The following RTTN variants were observed in gnomAD, a reference collection of about 807,000 sequenced individuals.
RTTN encodes rotatin.
A neutral mutation model predicts 269.2 loss-of-function variants in RTTN; 182 were observed. That is an observed-to-expected ratio of 0.68 (90% CI 0.60 to 0.76). The LOEUF is 0.76. RTTN is among the 30% of genes least tolerant of loss of function. The pLI, the probability that RTTN is intolerant of heterozygous loss-of-function variation, is 0.00. For synonymous variants in RTTN, 1,006 were observed against 963.5 expected, an observed-to-expected ratio of 1.04 and a Z score of -0.82; for missense variants, 2,545 against 2,608.6, an observed-to-expected ratio of 0.98 and a Z score of 0.53.
intron 14 of RTTN, among the ~76,000 whole-genome samples, chr18:70,165,257 T>C (rs2060954178): frequency 6.6e-6 from 1 of 151,718 alleles, no homozygotes; most frequent in Non-Finnish European, 1.5e-5. Flanking sequence ...CTGCTATATA[T>C]ACTAATCATG....
chr18:70,059,291 C>A (rs1016250314), intron 36 of RTTN, among the ~76,000 whole-genome samples: 3 of 152,088 alleles, frequency 2.0e-5, no homozygotes, highest in South Asian at 4.2e-4. Flanking sequence ...TTCTACTATA[C>A]CTTCCTAGAA....
chr18:70,170,598 G>A (rs972793768), intron 11 of RTTN, among the ~76,000 whole-genome samples: 1 of 152,212 alleles, frequency 6.6e-6, no homozygotes, highest in Non-Finnish European at 1.5e-5. Context: ...AAAGCCAGTG[G>A]AGCTGGTTCT....
At chr18:70,111,336 C>T (rs2059460212) in intron 27 of RTTN, among the ~76,000 whole-genome samples, 1 of 152,170 alleles carries the variant, frequency 6.6e-6, no homozygotes, top group Admixed American at 6.5e-5. Context: ...GCAGGTGCCC[C>T]TCTGGAACGA....
intron 40 of RTTN, among the ~76,000 whole-genome samples, chr18:70,039,531 A>G (rs894704426): frequency 6.6e-6 from 1 of 152,186 alleles, no homozygotes; most frequent in African/African-American, 2.4e-5. Flanking sequence ...TTTCAACAAC[A>G]CTAGACCTGT....
chr18:70,179,975 C>T (rs1187782726), intron 10 of RTTN, among the ~76,000 whole-genome samples: 1 of 152,148 alleles, frequency 6.6e-6, no homozygotes, highest in Non-Finnish European at 1.5e-5. Flanking sequence ...ATTTATCCCA[C>T]CAGTCTCTCT....
At position 70,205,390 on chromosome 18, in the gene RTTN, G is replaced by A. The variant is rs193124045; in HGVS notation, c.32-75C>T. ...TACGTTATTTATGCTGTGGGCAGGA[G>A]CGGCGTGAAGACGGAATAAACCAGT... On this transcript the variant is annotated intron_variant, in intron 1 of 48. Transcript: ENST00000640769. 5.6e-4 allele frequency: 873 copies of A among 1,568,458 alleles called. 12 individuals are homozygous for A. In the East Asian group the frequency reaches 0.019, roughly 34 times the overall value.
rs372512204 is a variant in RTTN at position 70,163,788 on chromosome 18, C to T, written c.1929+2274G>A. The stretch of plus-strand genomic sequence containing the variant: ...CGTGCATTTCCTTTAAGTGTCATTT[C>T]GGCACTCGAAAAGTGTCAGATTGTG... On this transcript the variant is annotated intron_variant, in intron 14 of 48. Coordinates refer to ENST00000640769, the MANE Select transcript of RTTN (RefSeq NM_173630.4). 6.6e-5 allele frequency among the ~76,000 whole-genome samples: 10 copies of T among 152,220 alleles called. No homozygotes were observed. In the East Asian group the frequency reaches 1.2e-3, roughly 18 times the overall value.
intron 5 of RTTN, among the ~76,000 whole-genome samples, 169 bp from the exon 6 acceptor site, chr18:70,197,907 G>A (rs907726783): frequency 2.0e-5 from 3 of 152,010 alleles, no homozygotes; most frequent in Non-Finnish European, 4.4e-5. Context: ...CAACTCTAGG[G>A]CAGTGCTCCT....
chr18:70,003,144 T>G lies in RTTN; in HGVS notation c.*1007A>C, dbSNP rs2056088703. On this transcript the variant is annotated 3_prime_UTR_variant, in exon 49 of 49. Transcript: ENST00000640769. ...CTCCCTGCCTCCCAGGTTGAAGAGA[T>G]TCTCGTGCCTCAGCCACTGGAGTAG... 1 of 148,798 alleles carries G rather than the reference T, an allele frequency of 6.7e-6. No individual in the cohort carries two copies. Among genetic ancestry groups the G allele is most frequent in the African/African-American group, 2.5e-5 (1 of 40,632 alleles). The allele number at this position is 148,798 out of a possible 1,614,324, so 9.2% of individuals were successfully genotyped here. A position where few individuals can be genotyped will look rare whatever the true frequency, so the allele number is the denominator to read the frequency against.
At chr18:70,014,570 C>T (rs561815523) in intron 46 of RTTN, among the ~76,000 whole-genome samples, 1 of 152,274 alleles carries the variant, frequency 6.6e-6, no homozygotes, top group African/African-American at 2.4e-5. Context: ...TGCTAAGTAC[C>T]CACAGGCACC....
At chr18:70,196,909 A>G (rs560476667) in intron 6 of RTTN, among the ~76,000 whole-genome samples, 3 of 152,362 alleles carry the variant, frequency 2.0e-5, no homozygotes, top group Admixed American at 2.0e-4. Context: ...TTGAGTAACC[A>G]TTCTGAGAGA....
chr18:70,122,347 T>C (rs1267960986), intron 25 of RTTN, among the ~76,000 whole-genome samples: 2 of 152,164 alleles, frequency 1.3e-5, no homozygotes, highest in Non-Finnish European at 2.9e-5. Context: ...AATCGTTTTT[T>C]TTAAAAAGCA....
intron 14 of RTTN, among the ~76,000 whole-genome samples, chr18:70,152,833 C>A (rs932147626): frequency 3.3e-5 from 5 of 152,192 alleles, no homozygotes; most frequent in Non-Finnish European, 5.9e-5. Context: ...TGACCCCCTA[C>A]AATCCATTCC....
chr18:70,180,554 C>G (rs2061400365), intron 10 of RTTN, among the ~76,000 whole-genome samples: 1 of 149,662 alleles, frequency 6.7e-6, no homozygotes, highest in Non-Finnish European at 1.5e-5. Flanking sequence ...TGCCCTCCAG[C>G]CTGGACAACA....
chr18:70,069,199 T>C (rs1388785148), intron 34 of RTTN, among the ~76,000 whole-genome samples: 5 of 152,104 alleles, frequency 3.3e-5, no homozygotes, highest in African/African-American at 1.2e-4. Context: ...TTCTTAAGTG[T>C]TCTCACCACA....
intron 10 of RTTN, among the ~76,000 whole-genome samples, chr18:70,182,270 T>TTTTTTTATAATA (rs1350066146): frequency 6.6e-6 from 1 of 152,214 alleles, no homozygotes; most frequent in Non-Finnish European, 1.5e-5. Flanking sequence ...GTTTCTTTCT[T>TTTTTTTATAATA]ACATGGGTAT....
chr18:70,146,979 T>C (rs1490906852), intron 17 of RTTN, among the ~76,000 whole-genome samples: 1 of 152,198 alleles, frequency 6.6e-6, no homozygotes, highest in Non-Finnish European at 1.5e-5. Flanking sequence ...CTTTGTTCCT[T>C]ACATTCTAAG....
Position 70,127,564 on chromosome 18 carries a change from C to T in RTTN, c.3321G>A (p.Lys1107=), listed in dbSNP as rs147728279. The T allele has an allele frequency of 1.4e-4, 226 of 1,613,486 alleles. 1 individual carries two copies. In the African/African-American group the frequency reaches 2.8e-3, roughly 20 times the overall value. The part of the protein sequence containing the change: ...FYLLNDRLSL[K]GCPGPCGVTL... ...TAACCCCACATGGACCAGGGCAACCCTTTAAAGACAATCTGTCATTCAGAA... is the reference window on the plus strand; with the variant it reads ...TAACCCCACATGGACCAGGGCAACCTTTTAAAGACAATCTGTCATTCAGAA... Residue 1107 remains lysine (K), a synonymous_variant, in exon 25 of 49, where the codon AAG becomes AAA. Transcript: ENST00000640769.
At chr18:70,155,147 C>A (rs1599810154) in intron 14 of RTTN, among the ~76,000 whole-genome samples, 2 of 152,298 alleles carry the variant, frequency 1.3e-5, no homozygotes, top group African/African-American at 4.8e-5. Context: ...AATCTTTCCT[C>A]CTCTGATTCT....
Sources: allele counts gnomAD v4.1 joint callset (sites outside exome capture counted in the v4.1 genomes callset), GRCh38; gene constraint gnomAD v4.1.1; transcripts MANE v1.5; gene names NCBI Gene and HGNC (gene_info 2026-07-23, HGNC 2026-07-21).